The following HR variants were observed in gnomAD, a reference collection of about 807,000 sequenced individuals.
HR encodes HR lysine demethylase and nuclear receptor corepressor, also known as lysine-specific demethylase hairless.
Under a neutral mutation model 128.6 loss-of-function variants are expected in HR, and 83 were observed. The ratio of observed to expected loss-of-function variants is 0.65; its 90% CI spans 0.54 to 0.77. The LOEUF (loss-of-function observed/expected upper bound fraction) is 0.77. Ranked by LOEUF, HR falls within the 30% of genes least tolerant of loss-of-function variation. The pLI, the probability that HR is intolerant of heterozygous loss-of-function variation, is 0.00. For missense variants in HR, 1,490 were observed against 1,574.6 expected (o/e 0.95, Z 0.91); for synonymous variants, 681 against 658.2 (o/e 1.03, Z -0.53).
intron 11 of HR, 42 bp downstream of exon 11, chr8:22,120,674 T>A: frequency 1.3e-6 from 2 of 1,511,280 alleles, no homozygotes; most frequent in African/African-American, 1.4e-5. Flanking sequence ...GAGGGGCAGG[T>A]GGGGTGGCCA....
At chr8:22,125,533 G>A (rs1187316599) in intron 4 of HR, 29 bp from the exon 5 acceptor site, 5 of 1,613,092 alleles carry the variant, frequency 3.1e-6, no homozygotes, top group Non-Finnish European at 4.2e-6. Context: ...GAGGTGAGCA[G>A]GGAGCCCTGG....
intron 16 of HR, chr8:22,118,659 T>G: frequency 2.8e-5 from 13 of 472,636 alleles, no homozygotes; most frequent in Non-Finnish European, 3.9e-5. Context: ...GGGTAACAGA[T>G]AATTGTGCCT....
In HR at chr8:22,119,178, T is replaced by G; in HGVS notation, c.3083A>C (p.His1028Pro). 6.2e-7 allele frequency: 1 copy of G among 1,613,806 alleles called. No individual in the cohort carries two copies. The highest frequency in any genetic ancestry group is 8.5e-7 in the Non-Finnish European group (1 of 1,180,018). Residue 1028 changes from histidine to proline, a missense_variant, in exon 15 of 19, where the codon CAC (histidine) becomes CCC (proline). His to Pro is a moderately conservative substitution (Grantham distance 77). This residue lies in a region of HR where 423 missense variants were observed against 495.9 expected (regional missense o/e 0.85). Coordinates refer to ENST00000381418, the MANE Select transcript of HR (RefSeq NM_005144.5). ...VHADTPLPAW[H>P]RAQKDFLSGL... ...CGAGGACCTACCTTTCTGTGCCCGG[T>G]GCCAGGCAGGCAGTGGTGTGTCGGC...
At chr8:22,117,364 C>A (rs191868964) in intron 16 of HR, 2 of 361,094 alleles carry the variant, frequency 5.5e-6, no homozygotes, top group African/African-American at 2.1e-5. Context: ...CAATGGTACC[C>A]CTTTCTGCAA....
At chr8:22,125,051 C>A (rs1356796105) in intron 5 of HR, among the ~76,000 whole-genome samples, 1 of 152,328 alleles carries the variant, frequency 6.6e-6, no homozygotes, top group Admixed American at 6.5e-5. Flanking sequence ...TTCGCCTGAC[C>A]CCCAAGCCCT....
intron 11 of HR, 31 bp downstream of exon 11, chr8:22,120,685 G>T: frequency 6.6e-7 from 1 of 1,507,458 alleles, no homozygotes; most frequent in Non-Finnish European, 8.8e-7. Flanking sequence ...GGGGTGGCCA[G>T]GGCCGGGAGG....
intron 3 of HR, among the ~76,000 whole-genome samples, chr8:22,125,964 GAGGTTGTCTGGTGTGTTGAGCCCA>G (rs1318798215): frequency 6.6e-6 from 1 of 152,238 alleles, no homozygotes; most frequent in African/African-American, 2.4e-5. Context: ...GCCGAGCGAA[GAGGTTGTCTGGTGTGTTGAGCCCA>G]AGGCTTTGGG....
chr8:22,126,582 C>G (rs1826896229), intron 3 of HR, among the ~76,000 whole-genome samples: 1 of 152,228 alleles, frequency 6.6e-6, no homozygotes, highest in East Asian at 1.9e-4. Context: ...TGAGTGTTCA[C>G]TGGGTGCCAG....
At chr8:22,126,919 GGAGCCT>G (rs1826905378) in intron 3 of HR, 112 bp downstream of exon 3, 1 of 1,007,744 alleles carries the variant, frequency 9.9e-7, no homozygotes, top group Non-Finnish European at 1.4e-6. Flanking sequence ...GATCCAGGTG[GGAGCCT>G]GACCACTGGT....
chr8:22,123,513 G>T, intron 6 of HR, 136 bp downstream of exon 6: 1 of 825,710 alleles, frequency 1.2e-6, no homozygotes, highest in Non-Finnish European at 1.9e-6. Context: ...AGGGCATTGA[G>T]CCATGGTGGC....
At chr8:22,128,044 A>T (rs1826946774) in intron 2 of HR, 1 of 635,888 alleles carries the variant, frequency 1.6e-6, no homozygotes, top group East Asian at 2.8e-5. Context: ...CCCCACAAGG[A>T]AGTCTAAGAA....
At chr8:22,117,284 G>C (rs529413118) in intron 16 of HR, 1 of 484,588 alleles carries the variant, frequency 2.1e-6, no homozygotes, top group Non-Finnish European at 3.6e-6. Context: ...TGGGCAGACT[G>C]AATCCCTGCT....
chr8:22,120,413 C>T lies in HR; in HGVS notation c.2705G>A (p.Ser902Asn), dbSNP rs1208787294. Reference sequence around the variant, plus strand: ...GCTGGGCTGGGGAGGTCCGAGGGGGCTCAGCGCCTGCACCTGGCCTCCAAG... The same window carrying T: ...GCTGGGCTGGGGAGGTCCGAGGGGGTTCAGCGCCTGCACCTGGCCTCCAAG... ...GALGGQVQAL[S>N]PLGPPQPSSL... Residue 902 changes from serine (S) to asparagine (N), a missense_variant, in exon 12 of 19, where the codon AGC becomes AAC. Physicochemically the swap from Ser to Asn is conservative, Grantham distance 46. Around this residue, in one of 3 missense-constraint regions of HR, gnomAD observed 423 missense variants for 495.9 expected, o/e 0.85. Coordinates refer to ENST00000381418, the MANE Select transcript of HR (RefSeq NM_005144.5). 1.9e-6 allele frequency: 3 copies of T among 1,613,984 alleles called. No homozygotes were observed. Among genetic ancestry groups the T allele is most frequent in the South Asian group, 2.2e-5 (2 of 91,088 alleles).
Position 22,127,812 on chromosome 8 carries a change from A to G in HR, c.630T>C (p.Asp210=), listed in dbSNP as rs1826940356. The G allele has an allele frequency of 6.3e-7, 1 of 1,598,694 alleles. No individual in the cohort carries two copies. Among genetic ancestry groups the G allele is most frequent in the Non-Finnish European group, 8.5e-7 (1 of 1,179,942 alleles). ...CCTTTGCCAACCTGGGAATGCTCGGATCCTTGTAGTAAAAGCCCTAAAGAG... is the reference window on the plus strand; with the variant it reads ...CCTTTGCCAACCTGGGAATGCTCGGGTCCTTGTAGTAAAAGCCCTAAAGAG... ...SLGSKGFYYK[D]PSIPRLAKEP... is the part of the protein sequence containing the mutation. Residue 210 remains aspartate (D), a synonymous_variant, in exon 3 of 19, where the codon GAT becomes GAC. Coordinates refer to ENST00000381418, the MANE Select transcript of HR (RefSeq NM_005144.5).
intron 12 of HR, 76 bp downstream of exon 12, chr8:22,120,266 C>T: frequency 5.0e-6 from 8 of 1,611,396 alleles, no homozygotes; most frequent in South Asian, 3.3e-5. Flanking sequence ...CTCGGGGTCA[C>T]CCTGGGACTC....
At chr8:22,129,319 G>C in intron 1 of HR, 109 bp from the exon 2 acceptor site, 1 of 872,476 alleles carries the variant, frequency 1.1e-6, no homozygotes, top group South Asian at 2.2e-5. Flanking sequence ...GCTCAAACCA[G>C]TAAGGCAAGT....
At chr8:22,129,285 C>A (rs1202639927) in intron 1 of HR, 75 bp from the exon 2 acceptor site, 3 of 1,338,242 alleles carry the variant, frequency 2.2e-6, no homozygotes, top group Non-Finnish European at 3.0e-6. Flanking sequence ...ACAGAGTGGG[C>A]ACCGCCCTGG....
intron 18 of HR, 53 bp from the exon 19 acceptor site, chr8:22,115,815 C>T (rs968233988): frequency 7.8e-6 from 12 of 1,536,868 alleles, no homozygotes; most frequent in African/African-American, 4.1e-5. Context: ...TGGGCCCACC[C>T]GCTGTCCCCC....
intron 6 of HR, 32 bp downstream of exon 6, chr8:22,123,617 T>TGGCCC: frequency 1.0e-5 from 3 of 292,092 alleles, no homozygotes; most frequent in Non-Finnish European, 1.9e-5. Flanking sequence ...GAGGGCTCCA[T>TGGCCC]CCCGCCCTCC....
Sources: allele counts gnomAD v4.1 joint callset (sites outside exome capture counted in the v4.1 genomes callset), GRCh38; gene constraint gnomAD v4.1.1; regional missense constraint gnomAD v4.1.1; transcripts MANE v1.5; gene names NCBI Gene and HGNC (gene_info 2026-07-23, HGNC 2026-07-21).